THADA: variants seen among roughly 807,000 people sequenced by gnomAD.
THADA encodes the protein tRNA (32-2'-O)-methyltransferase regulator THADA.
A neutral mutation model predicts 219.8 loss-of-function variants in THADA; 213 were observed. The observed-to-expected ratio is 0.97, with a 90% CI of 0.87 to 1.09. THADA has a LOEUF of 1.09. THADA is among the 50% of genes least tolerant of loss of function. The pLI is 0.00. For missense variants in THADA, 2,956 were observed against 2,311.3 expected, an observed-to-expected ratio of 1.28 and a Z score of -5.72; for synonymous variants, 1,018 against 828.9, an observed-to-expected ratio of 1.23 and a Z score of -3.92.
At chr2:43,553,479 C>G (rs769738429) in intron 17 of THADA, among the ~76,000 whole-genome samples, 6 of 152,204 alleles carry the variant, frequency 3.9e-5, no homozygotes, top group Non-Finnish European at 7.3e-5. Context: ...CACACAGCAA[C>G]ATGGCCATCT....
At chr2:43,568,029 G>C (rs1445433620) in intron 14 of THADA, among the ~76,000 whole-genome samples, 2 of 152,108 alleles carry the variant, frequency 1.3e-5, no homozygotes, top group Non-Finnish European at 2.9e-5. Context: ...ACTACTGGGG[G>C]TGGGGGGGAG....
At chr2:43,388,135 G>T (rs886706319) in intron 29 of THADA, among the ~76,000 whole-genome samples, 2 of 152,012 alleles carry the variant, frequency 1.3e-5, no homozygotes, top group Admixed American at 1.3e-4. Flanking sequence ...TCTTACTTTT[G>T]GCCTATTCCA....
At chr2:43,389,872 T>G (rs531092397) in intron 29 of THADA, among the ~76,000 whole-genome samples, 7 of 151,256 alleles carry the variant, frequency 4.6e-5, no homozygotes, top group Non-Finnish European at 7.4e-5. Flanking sequence ...TTGGTGCACA[T>G]AACATGTAGC....
At chr2:43,355,465 T>TATAGGC (rs1355139145) in intron 29 of THADA, among the ~76,000 whole-genome samples, 55 of 152,276 alleles carry the variant, frequency 3.6e-4, no homozygotes, top group African/African-American at 1.3e-3. Flanking sequence ...CCTTTTCAAC[T>TATAGGC]TGTTTATTGT....
At chr2:43,279,664 T>A in intron 36 of THADA, 101 bp downstream of exon 36, 1 of 1,417,394 alleles carries the variant, frequency 7.1e-7, no homozygotes, top group East Asian at 2.9e-5. Context: ...ACAGACCAAA[T>A]GACCAACAAT....
intron 30 of THADA, among the ~76,000 whole-genome samples, chr2:43,335,677 G>A (rs181906717): frequency 6.6e-5 from 10 of 152,138 alleles, no homozygotes; most frequent in Non-Finnish European, 1.3e-4. Context: ...AAAAAAACTG[G>A]GCTGAGTGTG....
intron 29 of THADA, among the ~76,000 whole-genome samples, chr2:43,374,229 C>T (rs186937621): frequency 2.3e-4 from 35 of 152,278 alleles, no homozygotes; most frequent in African/African-American, 7.9e-4. Context: ...AGAGAATCAA[C>T]GGAAAACATA....
intron 29 of THADA, among the ~76,000 whole-genome samples, chr2:43,354,019 G>C (rs1346953555): frequency 6.6e-6 from 1 of 151,754 alleles, no homozygotes; most frequent in African/African-American, 2.4e-5. Context: ...GGGTTTCACC[G>C]TGTTAGCCAG....
intron 29 of THADA, among the ~76,000 whole-genome samples, chr2:43,361,362 T>C (rs1219205439): frequency 6.6e-6 from 1 of 152,250 alleles, no homozygotes; most frequent in East Asian, 1.9e-4. Flanking sequence ...ACAAAGTGCT[T>C]TGTAATTTCT....
intron 30 of THADA, among the ~76,000 whole-genome samples, chr2:43,338,926 T>C (rs1002184161): frequency 6.6e-6 from 1 of 152,228 alleles, no homozygotes; most frequent in Non-Finnish European, 1.5e-5. Flanking sequence ...GGAAATATCA[T>C]ACTGTTTTCC....
At chr2:43,531,804 G>C (rs994972269) in intron 21 of THADA, among the ~76,000 whole-genome samples, 2 of 151,950 alleles carry the variant, frequency 1.3e-5, no homozygotes, top group Non-Finnish European at 2.9e-5. Flanking sequence ...ATTTTTTAGA[G>C]GTAACTATTA....
At position 43,311,531 on chromosome 2, in the gene THADA, T is replaced by C. The variant is rs13418562; in HGVS notation, c.4438+8915A>G. Among the ~76,000 whole-genome samples the C allele has an allele frequency of 6.0e-3, 917 of 152,260 alleles. 10 individuals are homozygous for C. Among genetic ancestry groups the C allele is most frequent in the African/African-American group, 0.021 (874 of 41,558 alleles). ...ACTTCTAGGTAAATACCCAAGAGAA[T>C]TGAAAACACAGGTCCCAGCAAAAAC... On this transcript the variant is annotated intron_variant, in intron 31 of 37. Coordinates refer to ENST00000405975, the MANE Select transcript of THADA (RefSeq NM_022065.5).
intron 16 of THADA, among the ~76,000 whole-genome samples, chr2:43,556,769 C>G (rs7603401): frequency 0.026 from 3,949 of 151,930 alleles, 176 homozygotes; most frequent in African/African-American, 0.09. Context: ...AAAAAAACAA[C>G]AACAAAAAAC....
At chr2:43,585,489 G>T (rs1445311200) in intron 7 of THADA, among the ~76,000 whole-genome samples, 1 of 151,248 alleles carries the variant, frequency 6.6e-6, no homozygotes, top group East Asian at 1.9e-4. Flanking sequence ...CTGTACTCAA[G>T]CCTGGGTAAC....
chr2:43,523,293 G>A (rs910034145), intron 22 of THADA, among the ~76,000 whole-genome samples: 1 of 151,622 alleles, frequency 6.6e-6, no homozygotes, highest in African/African-American at 2.4e-5. Flanking sequence ...ACTTAAGCCA[G>A]GAGGCAGAAG....
chr2:43,422,827 C>T (rs947034749), intron 28 of THADA, among the ~76,000 whole-genome samples: 1 of 152,172 alleles, frequency 6.6e-6, no homozygotes, highest in African/African-American at 2.4e-5. Flanking sequence ...TCAAGCAATC[C>T]TCCCACCGCA....
intron 29 of THADA, among the ~76,000 whole-genome samples, chr2:43,366,948 T>C (rs1012926209): frequency 2.0e-5 from 3 of 151,522 alleles, no homozygotes; most frequent in Admixed American, 6.6e-5. Context: ...AAATCAAAAG[T>C]TCACTGACAG....
chr2:43,344,334 A>C (rs1667391619), intron 29 of THADA, 97 bp from the exon 30 acceptor site: 2 of 796,812 alleles, frequency 2.5e-6, no homozygotes, highest in South Asian at 1.8e-5. Context: ...GTTCCCCTCA[A>C]AGAAAACAGA....
chr2:43,578,519 A>T lies in THADA; in HGVS notation c.810T>A (p.Pro270=), dbSNP rs1296061499. ...AAAAAGGAGATGCACTTACCAAATGAGGAATCTTTTCAGACGGGTGAAACA... is the reference window on the plus strand; with the variant it reads ...AAAAAGGAGATGCACTTACCAAATGTGGAATCTTTTCAGACGGGTGAAACA... ...KTMFHPSEKI[P]HLISSVLLRS... is the part of the protein sequence containing the mutation. Residue 270 remains proline, a synonymous_variant, in exon 9 of 38, where the codon CCT becomes CCA. Coordinates refer to ENST00000405975, the MANE Select transcript of THADA (RefSeq NM_022065.5). The T allele has an allele frequency of 1.9e-6, 3 of 1,607,600 alleles. No homozygotes were observed. In the South Asian group the frequency reaches 3.3e-5, roughly 18 times the overall value.
Sources: allele counts gnomAD v4.1 joint callset (sites outside exome capture counted in the v4.1 genomes callset), GRCh38; gene constraint gnomAD v4.1.1; transcripts MANE v1.5; gene names NCBI Gene and HGNC (gene_info 2026-07-23, HGNC 2026-07-21).